HCN1: variants seen among roughly 807,000 people sequenced by gnomAD.
HCN1 encodes hyperpolarization activated cyclic nucleotide gated potassium channel 1.
HCN1 carries 13 observed loss-of-function variants against 78.9 expected under a neutral mutation model. The observed-to-expected ratio is 0.16, with a 90% CI of 0.11 to 0.26. The LOEUF is 0.26. HCN1 is among the 10% of genes least tolerant of loss of function. HCN1 has a pLI of 1.00. For synonymous variants in HCN1, 552 were observed against 455.5 expected (o/e 1.21, Z -2.70); for missense variants, 810 against 1,154.3 (o/e 0.70, Z 4.32).
chr5:45,558,378 CATAAAAGTGTAAG>C (rs1383734202), intron 2 of HCN1: 1 of 152,034 alleles, frequency 6.6e-6, no homozygotes, highest in East Asian at 1.9e-4. Context: ...GTTTCCATAA[CATAAAAGTGTAAG>C]ATAAAGCAGC....
At chr5:45,318,821 T>G (rs989205365) in intron 5 of HCN1, among the ~76,000 whole-genome samples, 3 of 151,936 alleles carry the variant, frequency 2.0e-5, no homozygotes, top group African/African-American at 7.2e-5. Flanking sequence ...GATTCAAATA[T>G]AGACAATTTC....
chr5:45,358,435 G>A (rs571413090), intron 4 of HCN1, among the ~76,000 whole-genome samples: 5 of 152,070 alleles, frequency 3.3e-5, no homozygotes, highest in East Asian at 1.9e-4. Context: ...AATTATGTAA[G>A]TTTTACCTAC....
chr5:45,356,699 T>A (rs1747013077), intron 4 of HCN1, among the ~76,000 whole-genome samples: 2 of 152,060 alleles, frequency 1.3e-5, no homozygotes, highest in African/African-American at 4.8e-5. Flanking sequence ...ATGTTTACTA[T>A]TATTTCTTGT....
At chr5:45,600,761 G>A (rs1481007350) in intron 2 of HCN1, among the ~76,000 whole-genome samples, 1 of 152,152 alleles carries the variant, frequency 6.6e-6, no homozygotes, top group Non-Finnish European at 1.5e-5. Flanking sequence ...TACACAAGAT[G>A]AATGTCAAAT....
chr5:45,433,377 G>A (rs112329197), intron 3 of HCN1, among the ~76,000 whole-genome samples: 2 of 151,564 alleles, frequency 1.3e-5, no homozygotes, highest in Non-Finnish European at 2.9e-5. Context: ...CTGTTTCATC[G>A]GAAATTATAA....
intron 5 of HCN1, among the ~76,000 whole-genome samples, chr5:45,308,667 G>A (rs1369501782): frequency 6.6e-6 from 1 of 151,980 alleles, no homozygotes; most frequent in Non-Finnish European, 1.5e-5. Context: ...TTTCTATCAA[G>A]TTTTTATTTA....
At chr5:45,450,689 ATAG>A in intron 3 of HCN1, among the ~76,000 whole-genome samples, 1 of 152,208 alleles carries the variant, frequency 6.6e-6, no homozygotes, top group Admixed American at 6.5e-5. Context: ...AATTATTGTA[ATAG>A]TAGTTGGTAG....
Position 45,498,663 on chromosome 5 carries a change from G to A in HCN1, c.850-36656C>T, listed in dbSNP as rs571837961. Among the ~76,000 whole-genome samples, 3 of 152,228 alleles carry A rather than the reference G, an allele frequency of 2.0e-5. No individual in the cohort carries two copies. The South Asian group carries it at 6.2e-4, about 32-fold the overall frequency. On this transcript the variant is annotated intron_variant, in intron 2 of 7. Coordinates refer to ENST00000303230, the MANE Select transcript of HCN1 (RefSeq NM_021072.4). Reference sequence around the variant, plus strand: ...TCCTTTGGAGGAGGAGAGGTGCTCTGCTTTTTAGAGTTTCCAGTTTTTCTG... The same window carrying A: ...TCCTTTGGAGGAGGAGAGGTGCTCTACTTTTTAGAGTTTCCAGTTTTTCTG...
intron 6 of HCN1, among the ~76,000 whole-genome samples, chr5:45,280,681 A>G (rs915043305): frequency 1.3e-5 from 2 of 152,210 alleles, no homozygotes; most frequent in African/African-American, 4.8e-5. Flanking sequence ...AAACATGCTC[A>G]TGCTTTGTGT....
At chr5:45,522,554 A>C (rs1286417199) in intron 2 of HCN1, among the ~76,000 whole-genome samples, 1 of 152,022 alleles carries the variant, frequency 6.6e-6, no homozygotes, top group Non-Finnish European at 1.5e-5. Context: ...AGTTTTACCC[A>C]AAAGATACTC....
chr5:45,687,411 T>C (rs568349651), intron 1 of HCN1, among the ~76,000 whole-genome samples: 7 of 152,182 alleles, frequency 4.6e-5, no homozygotes, highest in Non-Finnish European at 5.9e-5. Context: ...AAATTAGTTA[T>C]TGGTTTTGCT....
rs73099498 is a variant in HCN1, at chr5:45,395,354, G to C, written c.1230+1138C>G. ...TATAAAGTCTCTTCTTCCTTACTAC[G>C]TTCTTCGTTCTTTCCAATTCATTTG... On this transcript the variant is annotated intron_variant, in intron 4 of 7. Transcript: ENST00000303230. Among the ~76,000 whole-genome samples, 1,421 of 152,070 alleles carry C rather than the reference G, an allele frequency of 9.3e-3. 27 individuals are homozygous for C. Among genetic ancestry groups the C allele is most frequent in the African/African-American group, 0.034 (1,391 of 41,478 alleles).
At chr5:45,373,158 T>C (rs1215744083) in intron 4 of HCN1, among the ~76,000 whole-genome samples, 3 of 125,194 alleles carry the variant, frequency 2.4e-5, no homozygotes, top group Admixed American at 1.8e-4. Flanking sequence ...TATATAAAAA[T>C]ATATGTACTT....
chr5:45,577,676 C>T (rs1743976485), intron 2 of HCN1, among the ~76,000 whole-genome samples: 2 of 151,918 alleles, frequency 1.3e-5, no homozygotes, highest in South Asian at 2.1e-4. Context: ...ATTTTAACAA[C>T]TATATAAAGA....
At chr5:45,623,053 T>A (rs1745100556) in intron 2 of HCN1, among the ~76,000 whole-genome samples, 1 of 152,162 alleles carries the variant, frequency 6.6e-6, no homozygotes, top group African/African-American at 2.4e-5. Flanking sequence ...AGCTTCATGA[T>A]TACACCTAGC....
At chr5:45,449,131 A>G (rs1740858459) in intron 3 of HCN1, among the ~76,000 whole-genome samples, 1 of 152,166 alleles carries the variant, frequency 6.6e-6, no homozygotes, top group Admixed American at 6.5e-5. Context: ...TTTAGTTGGC[A>G]TATATAAGCA....
chr5:45,443,489 G>A (rs1215459687), intron 3 of HCN1, among the ~76,000 whole-genome samples: 2 of 151,990 alleles, frequency 1.3e-5, no homozygotes, highest in African/African-American at 2.4e-5. Flanking sequence ...AGTCCCCTAA[G>A]TAAATGTAAT....
At chr5:45,566,571 A>G (rs888406480) in intron 2 of HCN1, among the ~76,000 whole-genome samples, 1 of 152,186 alleles carries the variant, frequency 6.6e-6, no homozygotes, top group African/African-American at 2.4e-5. Context: ...ATATGCTGGG[A>G]AACACACAAA....
intron 3 of HCN1, among the ~76,000 whole-genome samples, chr5:45,441,249 G>T (rs917890499): frequency 2.6e-5 from 4 of 152,006 alleles, no homozygotes; most frequent in Non-Finnish European, 4.4e-5. Context: ...GAGAAAAACA[G>T]ACAACTATGA....
Sources: allele counts gnomAD v4.1 joint callset (sites outside exome capture counted in the v4.1 genomes callset), GRCh38; gene constraint gnomAD v4.1.1; transcripts MANE v1.5; gene names NCBI Gene and HGNC (gene_info 2026-07-23, HGNC 2026-07-21).